CSRP3: variants seen among roughly 807,000 people sequenced by gnomAD.
The protein encoded by CSRP3 is cysteine and glycine-rich protein 3.
In CSRP3, 24 loss-of-function variants were observed where a neutral mutation model predicts 24.3. That is an observed-to-expected ratio of 0.99 (90% CI 0.71 to 1.39). CSRP3 has a LOEUF of 1.39. Ranked by LOEUF, CSRP3 falls within the 40% of genes most tolerant of loss-of-function variation. The pLI is 0.00. For missense variants in CSRP3, 240 were observed against 249.0 expected (o/e 0.96, Z 0.24); for synonymous variants, 105 against 94.0 (o/e 1.12, Z -0.68).
At chr11:19,196,859 G>C (rs946949269) in intron 1 of CSRP3, 9 of 152,200 alleles carry the variant, frequency 5.9e-5, no homozygotes, top group Non-Finnish European at 5.9e-5. Flanking sequence ...AGATAGAATG[G>C]ACAGCCCTGT....
At chr11:19,184,611 T>G (rs1273026400) in intron 5 of CSRP3, among the ~76,000 whole-genome samples, 1 of 152,120 alleles carries the variant, frequency 6.6e-6, no homozygotes, top group Non-Finnish European at 1.5e-5. Flanking sequence ...GGGGGTGTGG[T>G]GTTAGTTGTC....
rs727504436 is a variant in CSRP3 at position 19,188,145 on chromosome 11, T to A, written c.272A>T (p.Gln91Leu). ...STDTGEHLGL[Q>L]FQQSPKPARS... is the part of the protein sequence containing the mutation. ...CAGGGCAGTAACTCACTGTTGGAAC[T>A]GCAGGCCGAGATGCTCGCCCGTGTC... Residue 91 changes from glutamine (Q) to leucine (L), a missense_variant, in exon 3 of 6, where the codon CAG becomes CTG. Transcript: ENST00000265968. The A allele has an allele frequency of 1.2e-5, 20 of 1,614,102 alleles. No individual in the cohort carries two copies. In the African/African-American group the frequency reaches 2.3e-4, roughly 18 times the overall value.
At chr11:19,187,679 C>T (rs1411309344) in intron 3 of CSRP3, among the ~76,000 whole-genome samples, 1 of 152,192 alleles carries the variant, frequency 6.6e-6, no homozygotes, top group African/African-American at 2.4e-5. Context: ...CACAGCCCAT[C>T]CTTGCAGACA....
chr11:19,184,581 T>C (rs1011246311), intron 5 of CSRP3, among the ~76,000 whole-genome samples: 3 of 152,182 alleles, frequency 2.0e-5, no homozygotes, highest in Non-Finnish European at 4.4e-5. Context: ...GGTGAACAGA[T>C]GGTGTTTCGA....
chr11:19,186,899 T>C (rs548782265), intron 3 of CSRP3, among the ~76,000 whole-genome samples: 2 of 152,326 alleles, frequency 1.3e-5, no homozygotes, highest in East Asian at 1.9e-4. Flanking sequence ...ATGTCCAAAA[T>C]AGAGACATAA....
chr11:19,184,605 G>A (rs192604543), intron 5 of CSRP3, among the ~76,000 whole-genome samples: 2 of 152,206 alleles, frequency 1.3e-5, no homozygotes, highest in African/African-American at 2.4e-5. Flanking sequence ...TTGGAAGGGG[G>A]TGTGGTGTTA....
At chr11:19,199,469 G>A (rs1590110093) in intron 1 of CSRP3, among the ~76,000 whole-genome samples, 1 of 152,146 alleles carries the variant, frequency 6.6e-6, no homozygotes, top group African/African-American at 2.4e-5. Flanking sequence ...TATCTGAAGC[G>A]TGGCCAGCTT....
intron 5 of CSRP3, among the ~76,000 whole-genome samples, chr11:19,184,085 G>C (rs187986494): frequency 7.3e-4 from 111 of 152,296 alleles, no homozygotes; most frequent in Non-Finnish European, 1.3e-3. Context: ...ACCCAGTCTT[G>C]AGTATGTCTT....
intron 1 of CSRP3, among the ~76,000 whole-genome samples, chr11:19,198,297 G>A (rs1419148397): frequency 6.6e-6 from 1 of 152,202 alleles, no homozygotes; most frequent in East Asian, 1.9e-4. Context: ...ACACTGGAGA[G>A]AGGACAAGGG....
intron 5 of CSRP3, 126 bp downstream of exon 5, chr11:19,184,826 C>G: frequency 1.3e-6 from 1 of 779,482 alleles, no homozygotes; most frequent in Non-Finnish European, 2.3e-6. Flanking sequence ...GAACCCAACG[C>G]TGCCCAGGCT....
chr11:19,188,006 T>A, intron 3 of CSRP3, 130 bp downstream of exon 3: 1 of 1,063,444 alleles, frequency 9.4e-7, no homozygotes, highest in Non-Finnish European at 1.5e-6. Flanking sequence ...AGACTGAGTA[T>A]TCCTATTGTT....
At chr11:19,186,865 A>G (rs1850534919) in intron 3 of CSRP3, among the ~76,000 whole-genome samples, 1 of 152,246 alleles carries the variant, frequency 6.6e-6, no homozygotes, top group South Asian at 2.1e-4. Context: ...CCTGCCTCCA[A>G]GGGTCACCTG....
chr11:19,184,920 CAT>C (rs774594601), intron 5 of CSRP3, 30 bp downstream of exon 5: 1 of 1,531,864 alleles, frequency 6.5e-7, no homozygotes, highest in Admixed American at 1.7e-5. Context: ...TTAGGGAAAA[CAT>C]ATTTCAAGAA....
chr11:19,194,299 G>C (rs1850661970), intron 1 of CSRP3, among the ~76,000 whole-genome samples: 1 of 152,144 alleles, frequency 6.6e-6, no homozygotes, highest in African/African-American at 2.4e-5. Context: ...AAAACTGTGA[G>C]GTTAGCCAGG....
In CSRP3 at chr11:19,182,637, G is replaced by A. The variant is rs1850454119; in HGVS notation, c.*33C>T. On this transcript the variant is annotated 3_prime_UTR_variant, in exon 6 of 6. Transcript: ENST00000265968. Reference sequence around the variant, plus strand: ...CAGGATTACTTGGCAAGTGTTTTAGGCTCGCAAAAAATCTGAGAAACGGCG... The same window carrying A: ...CAGGATTACTTGGCAAGTGTTTTAGACTCGCAAAAAATCTGAGAAACGGCG... The A allele has an allele frequency of 6.3e-7, 1 of 1,577,004 alleles. No individual in the cohort carries two copies. Among genetic ancestry groups the A allele is most frequent in the African/African-American group, 1.3e-5 (1 of 74,116 alleles).
intron 3 of CSRP3, 58 bp downstream of exon 3, chr11:19,188,078 G>C (rs957803931): frequency 1.2e-6 from 2 of 1,604,152 alleles, no homozygotes; most frequent in Admixed American, 3.3e-5. Flanking sequence ...GGAACGAAAT[G>C]AACTGTCCTG....
chr11:19,187,537 A>C (rs535354674), intron 3 of CSRP3, among the ~76,000 whole-genome samples: 8 of 152,330 alleles, frequency 5.3e-5, no homozygotes, highest in Non-Finnish European at 1.0e-4. Flanking sequence ...AGGGGACCAG[A>C]CTGGTGGATG....
intron 1 of CSRP3, among the ~76,000 whole-genome samples, chr11:19,193,824 T>A (rs1427429218): frequency 6.6e-6 from 1 of 152,160 alleles, no homozygotes; most frequent in African/African-American, 2.4e-5. Flanking sequence ...TCTCAAAAAA[T>A]AAATAAATAA....
intron 2 of CSRP3, among the ~76,000 whole-genome samples, 182 bp downstream of exon 2, chr11:19,192,155 G>A (rs1298835889): frequency 6.6e-6 from 1 of 152,142 alleles, no homozygotes; most frequent in African/African-American, 2.4e-5. Flanking sequence ...ATTCAGGAGA[G>A]CACCATCTTT....
Sources: gnomAD v4.1 joint callset for allele counts (sites outside exome capture counted in the v4.1 genomes callset) on GRCh38, gnomAD v4.1.1 for gene constraint, MANE v1.5 for transcripts, NCBI Gene and HGNC (gene_info 2026-07-23, HGNC 2026-07-21) for gene names.